The following DLGAP2 variants were observed in gnomAD, a reference collection of about 807,000 sequenced individuals.
DLGAP2 encodes DLG associated protein 2.
DLGAP2 carries 26 observed loss-of-function variants against 100.3 expected under a neutral mutation model. The ratio of observed to expected loss-of-function variants is 0.26; its 90% confidence interval spans 0.19 to 0.36. DLGAP2 has a LOEUF of 0.36. DLGAP2 is among the 10% of genes least tolerant of loss of function. The probability of loss-of-function intolerance (pLI) is 1.00; values close to 1 mark genes in which losing one functional copy is unlikely to be tolerated. For missense variants in DLGAP2, 1,858 were observed against 1,453.2 expected (o/e 1.28, Z -4.53); for synonymous variants, 886 against 630.1 (o/e 1.41, Z -6.08).
At chr8:1,513,545 A>C (rs1471203576) in intron 4 of DLGAP2, among the ~76,000 whole-genome samples, 1 of 152,214 alleles carries the variant, frequency 6.6e-6, no homozygotes, top group Non-Finnish European at 1.5e-5. Context: ...GTGGCATAGC[A>C]CCTGCCCATC....
intron 2 of DLGAP2, among the ~76,000 whole-genome samples, chr8:1,070,690 T>G (rs1275420716): frequency 1.3e-5 from 2 of 152,196 alleles, no homozygotes; most frequent in Non-Finnish European, 2.9e-5. Flanking sequence ...CACTCCCTCC[T>G]TACAGAAAAG....
chr8:1,214,327 G>A (rs76032057), intron 2 of DLGAP2, among the ~76,000 whole-genome samples: 1 of 152,344 alleles, frequency 6.6e-6, no homozygotes, highest in Non-Finnish European at 1.5e-5. Context: ...CGCCACTCAG[G>A]TGATCGTTTT....
intron 3 of DLGAP2, among the ~76,000 whole-genome samples, chr8:1,441,068 A>G (rs1797816044): frequency 6.6e-6 from 1 of 152,216 alleles, no homozygotes; most frequent in Non-Finnish European, 1.5e-5. Flanking sequence ...AAGATGCTGA[A>G]GGGAAAAGTC....
At chr8:1,430,011 T>C (rs373712509) in intron 3 of DLGAP2, among the ~76,000 whole-genome samples, 26 of 63,950 alleles carry the variant, frequency 4.1e-4, no homozygotes, top group African/African-American at 6.1e-4. Flanking sequence ...TATATACATA[T>C]ATATATATAT....
At chr8:1,039,593 G>T (rs1802247780) in intron 2 of DLGAP2, among the ~76,000 whole-genome samples, 1 of 110,838 alleles carries the variant, frequency 9.0e-6, no homozygotes, top group African/African-American at 3.8e-5. Flanking sequence ...GGTGTGCGTG[G>T]TCAGCTTGGT....
chr8:1,428,751 T>C (rs1797312506), intron 3 of DLGAP2, among the ~76,000 whole-genome samples: 1 of 152,170 alleles, frequency 6.6e-6, no homozygotes, highest in African/African-American at 2.4e-5. Flanking sequence ...AGTGGAAGCT[T>C]TGCAGGCAGG....
intron 6 of DLGAP2, among the ~76,000 whole-genome samples, chr8:1,569,813 A>G (rs1802579503): frequency 6.6e-6 from 1 of 151,880 alleles, no homozygotes. Context: ...AGGGCAGGGT[A>G]GATCTTCACC....
chr8:1,506,423 G>A (rs966727685), intron 4 of DLGAP2, among the ~76,000 whole-genome samples: 2 of 152,180 alleles, frequency 1.3e-5, no homozygotes, highest in Admixed American at 6.5e-5. Context: ...ATGTTCAGAC[G>A]TTTTTGGAGT....
intron 2 of DLGAP2, among the ~76,000 whole-genome samples, chr8:1,098,322 A>G (rs1466559987): frequency 6.6e-6 from 1 of 152,150 alleles, no homozygotes; most frequent in Non-Finnish European, 1.5e-5. Context: ...GTGCCCAAAC[A>G]ATGTTTGTTC....
At chr8:909,908 G>T (rs1584882353) in intron 2 of DLGAP2, among the ~76,000 whole-genome samples, 1 of 152,348 alleles carries the variant, frequency 6.6e-6, no homozygotes, top group East Asian at 1.9e-4. Flanking sequence ...CCTCAACACA[G>T]CGGAGGTTCT....
intron 3 of DLGAP2, among the ~76,000 whole-genome samples, chr8:1,343,865 A>AG (rs1309686030): frequency 1.3e-5 from 2 of 152,060 alleles, no homozygotes; most frequent in Non-Finnish European, 2.9e-5. Context: ...TCCAGGGAGT[A>AG]GGGGGAGCTC....
At chr8:1,648,064 A>T (rs1798083926) in intron 8 of DLGAP2, among the ~76,000 whole-genome samples, 1 of 152,218 alleles carries the variant, frequency 6.6e-6, no homozygotes, top group African/African-American at 2.4e-5. Flanking sequence ...AAGCCAGATG[A>T]GTTTAAATTA....
intron 3 of DLGAP2, chr8:1,302,306 TCTGTG>T (rs1800369877): frequency 1.5e-5 from 2 of 133,370 alleles, no homozygotes; most frequent in African/African-American, 6.6e-5. Context: ...CTCGGAATTT[TCTGTG>T]AGTTCCCGAG....
intron 2 of DLGAP2, among the ~76,000 whole-genome samples, chr8:1,207,170 G>A (rs894677236): frequency 6.6e-6 from 1 of 152,202 alleles, no homozygotes; most frequent in African/African-American, 2.4e-5. Context: ...TGATTTCTGA[G>A]ATTTTAGTGC....
intron 10 of DLGAP2, among the ~76,000 whole-genome samples, chr8:1,673,101 T>C (rs1441171985): frequency 6.6e-6 from 1 of 152,184 alleles, no homozygotes; most frequent in Non-Finnish European, 1.5e-5. Context: ...CTTGCACCCA[T>C]ATATTTTTCA....
intron 2 of DLGAP2, among the ~76,000 whole-genome samples, chr8:1,105,636 GA>G (rs1804732691): frequency 6.9e-6 from 1 of 144,844 alleles, no homozygotes. Context: ...TTTTTTTACT[GA>G]AGGGAGCCAT....
At chr8:1,126,593 T>G (rs892841699) in intron 2 of DLGAP2, among the ~76,000 whole-genome samples, 4 of 151,056 alleles carry the variant, frequency 2.6e-5, no homozygotes, top group South Asian at 2.1e-4. Context: ...CTGTGGGAGG[T>G]GCTGTGCTGC....
Position 1,548,938 on chromosome 8 carries a change from C to T in DLGAP2, c.485C>T (p.Pro162Leu). The T allele has an allele frequency of 6.3e-7, 1 of 1,598,586 alleles. No homozygotes were observed. The change falls in exon 5 of 15, where the codon CCG becomes CTG. Residue 162 changes from proline (P) to leucine (L), a missense_variant. Transcript: ENST00000637795. ...LGDHVSSSTF[P>L]RMHYSSHYDT... ...GACCACGTGTCCAGCAGCACCTTCC[C>T]GCGGATGCACTACAGCTCGCACTAC...
intron 6 of DLGAP2, among the ~76,000 whole-genome samples, chr8:1,591,723 T>G (rs1937063932): frequency 6.6e-6 from 1 of 152,138 alleles, no homozygotes; most frequent in Non-Finnish European, 1.5e-5. Flanking sequence ...CACACCCGCA[T>G]ATCTCCTGGC....
Sources: gnomAD v4.1 joint callset for allele counts (sites outside exome capture counted in the v4.1 genomes callset) on GRCh38, gnomAD v4.1.1 for gene constraint, MANE v1.5 for transcripts, NCBI Gene and HGNC (gene_info 2026-07-23, HGNC 2026-07-21) for gene names.